RGL1: variants seen among roughly 807,000 people sequenced by gnomAD.
RGL1 encodes ral guanine nucleotide dissociation stimulator-like 1.
In RGL1, 24 loss-of-function variants were observed where a neutral mutation model predicts 95.2. The ratio of observed to expected loss-of-function variants is 0.25; its 90% CI spans 0.18 to 0.35. The LOEUF is 0.35. Among genes scored for constraint, RGL1 ranks in the 10% least tolerant of loss-of-function variants. RGL1 has a pLI of 1.00. For missense variants in RGL1, 715 were observed against 936.3 expected, an observed-to-expected ratio of 0.76 and a Z score of 3.08; for synonymous variants, 329 against 344.9, an observed-to-expected ratio of 0.95 and a Z score of 0.51.
intron 1 of RGL1, among the ~76,000 whole-genome samples, chr1:183,650,834 A>G (rs1441583991): frequency 6.6e-6 from 1 of 151,854 alleles, no homozygotes; most frequent in East Asian, 1.9e-4. Flanking sequence ...TCCCAATTTG[A>G]GAAGGGAGCA....
intron 2 of RGL1, among the ~76,000 whole-genome samples, chr1:183,840,024 G>A (rs1312142342): frequency 6.6e-6 from 1 of 152,202 alleles, no homozygotes; most frequent in East Asian, 1.9e-4. Flanking sequence ...GGACAGCCAT[G>A]TGGAAATGTG....
chr1:183,767,408 C>G (rs1165037888), intron 2 of RGL1, among the ~76,000 whole-genome samples: 1 of 152,026 alleles, frequency 6.6e-6, no homozygotes. Context: ...ACAGTGTTAC[C>G]CACAGCCTAA....
intron 3 of RGL1, among the ~76,000 whole-genome samples, chr1:183,851,686 TATTTAGATTATTCTGCAGAA>T (rs1664834375): frequency 6.6e-6 from 1 of 152,222 alleles, no homozygotes. Flanking sequence ...AAATATCATT[TATTTAGATTATTCTGCAGAA>T]ATTGGGATTT....
chr1:183,774,396 C>T (rs1659475464), intron 2 of RGL1, among the ~76,000 whole-genome samples: 1 of 152,072 alleles, frequency 6.6e-6, no homozygotes, highest in Non-Finnish European at 1.5e-5. Context: ...CATCTAGTCT[C>T]GTTATAAAAT....
chr1:183,805,336 T>C lies in RGL1; in HGVS notation c.27+12T>C, dbSNP rs766044487. The C allele has an allele frequency of 3.7e-6, 6 of 1,607,580 alleles. No individual in the cohort carries two copies. Among genetic ancestry groups the C allele is most frequent in the Non-Finnish European group, 4.3e-6 (5 of 1,176,030 alleles). On this transcript the variant is annotated intron_variant, in intron 1 of 17. Coordinates refer to ENST00000360851, the MANE Select transcript of RGL1 (RefSeq NM_001297671.3). ...GGCAAGCTAAAATGGTAACGAGAGC[T>C]CTCTGCCTTCTCCCGAGGCTTCTCT...
chr1:183,737,582 CAA>C (rs397805638), intron 1 of RGL1, among the ~76,000 whole-genome samples: 37 of 118,590 alleles, frequency 3.1e-4, no homozygotes, highest in Middle Eastern at 4.6e-3. Flanking sequence ...TCTATCTCTA[CAA>C]AAAAAAAAAA....
chr1:183,896,983 C>T (rs1296632850), intron 9 of RGL1, among the ~76,000 whole-genome samples: 1 of 152,210 alleles, frequency 6.6e-6, no homozygotes, highest in Non-Finnish European at 1.5e-5. Context: ...CCTCAGAAAA[C>T]TTCCGGTGCA....
chr1:183,894,857 T>C (rs1313015400), intron 9 of RGL1, among the ~76,000 whole-genome samples: 2 of 152,206 alleles, frequency 1.3e-5, no homozygotes, highest in African/African-American at 2.4e-5. Flanking sequence ...AGCAAAAATC[T>C]GTGGTTTTCC....
At chr1:183,853,686 A>G (rs868625296) in intron 3 of RGL1, among the ~76,000 whole-genome samples, 1 of 152,140 alleles carries the variant, frequency 6.6e-6, no homozygotes, top group African/African-American at 2.4e-5. Flanking sequence ...TTTTACCCCT[A>G]TGTTTACAGA....
intron 1 of RGL1, among the ~76,000 whole-genome samples, chr1:183,643,538 A>G (rs1053338789): frequency 1.3e-5 from 2 of 151,890 alleles, no homozygotes; most frequent in Middle Eastern, 3.2e-3. Flanking sequence ...TGATCCGCCT[A>G]CCTCGGCCTC....
At chr1:183,778,196 G>C (rs949481493) in intron 2 of RGL1, among the ~76,000 whole-genome samples, 1 of 152,206 alleles carries the variant, frequency 6.6e-6, no homozygotes, top group Admixed American at 6.5e-5. Flanking sequence ...AGGAGACCCT[G>C]TTATAAGCAT....
At chr1:183,809,053 T>C (rs867700390) in intron 2 of RGL1, among the ~76,000 whole-genome samples, 1 of 152,232 alleles carries the variant, frequency 6.6e-6, no homozygotes, top group Non-Finnish European at 1.5e-5. Context: ...TTGAGATATT[T>C]GTTGCGAAGC....
At chr1:183,874,214 C>T (rs764779324) in intron 4 of RGL1, among the ~76,000 whole-genome samples, 1 of 152,002 alleles carries the variant, frequency 6.6e-6, no homozygotes, top group Non-Finnish European at 1.5e-5. Flanking sequence ...GAACCTGGGG[C>T]GTAGGTTAAG....
In RGL1 at chr1:183,847,753, T is replaced by C. The variant is rs1229732480; in HGVS notation, c.326T>C (p.Val109Ala). 1.2e-6 allele frequency: 2 copies of C among 1,613,952 alleles called. No homozygotes were observed. The highest frequency in any genetic ancestry group is 8.5e-7 in the Non-Finnish European group (1 of 1,179,828). The change falls in exon 3 of 18, where the codon GTG becomes GCG. Residue 109 changes from valine (V) to alanine (A), a missense_variant. By Grantham distance (64) the Val-to-Ala change is moderately conservative. This residue lies in a region of RGL1 where 381 missense variants were observed against 484.8 expected (regional missense o/e 0.79). Coordinates refer to ENST00000360851, the MANE Select transcript of RGL1 (RefSeq NM_001297671.3). Reference protein sequence around the residue: ...TYRGFASTKEVLELLLDRYGN... With the variant: ...TYRGFASTKEALELLLDRYGN... Reference sequence around the variant, plus strand: ...AGAGGCTTTGCCTCCACTAAAGAAGTGCTGGAACTACTGCTGGACAGGTAA... The same window carrying C: ...AGAGGCTTTGCCTCCACTAAAGAAGCGCTGGAACTACTGCTGGACAGGTAA...
intron 1 of RGL1, among the ~76,000 whole-genome samples, chr1:183,727,142 T>TA (rs1436463719): frequency 6.6e-6 from 1 of 152,018 alleles, no homozygotes; most frequent in Non-Finnish European, 1.5e-5. Flanking sequence ...ATGAAATATA[T>TA]AAAAAACGTA....
At chr1:183,704,538 C>G (rs1209545666) in intron 1 of RGL1, among the ~76,000 whole-genome samples, 1 of 152,038 alleles carries the variant, frequency 6.6e-6, no homozygotes, top group Non-Finnish European at 1.5e-5. Flanking sequence ...CATCTACAAA[C>G]CAAGTAAAGG....
At chr1:183,815,211 T>C (rs1572448412) in intron 2 of RGL1, among the ~76,000 whole-genome samples, 1 of 151,654 alleles carries the variant, frequency 6.6e-6, no homozygotes, top group South Asian at 2.1e-4. Context: ...GAAGTGGAGG[T>C]TGCAGTGAGC....
chr1:183,765,997 G>T (rs1363671617), intron 2 of RGL1, among the ~76,000 whole-genome samples: 1 of 151,726 alleles, frequency 6.6e-6, no homozygotes, highest in Non-Finnish European at 1.5e-5. Flanking sequence ...TGAGTTAATG[G>T]GTGCAGCACA....
At chr1:183,641,698 A>G (rs560050167) in intron 1 of RGL1, among the ~76,000 whole-genome samples, 23 of 152,150 alleles carry the variant, frequency 1.5e-4, no homozygotes, top group African/African-American at 5.5e-4. Context: ...CTTTTTTTCT[A>G]TGCTCTGCAA....
Sources: gnomAD v4.1 joint callset for allele counts (sites outside exome capture counted in the v4.1 genomes callset) on GRCh38, gnomAD v4.1.1 for gene constraint, gnomAD v4.1.1 regional missense constraint, MANE v1.5 for transcripts, NCBI Gene and HGNC (gene_info 2026-07-23, HGNC 2026-07-21) for gene names.